Variants in KLHL13 observed in about 807,000 individuals in gnomAD.
KLHL13 encodes kelch-like protein 13.
A neutral mutation model predicts 37.1 loss-of-function variants in KLHL13; 10 were observed. The observed-to-expected ratio is 0.27, with a 90% CI of 0.17 to 0.46. The LOEUF (loss-of-function observed/expected upper bound fraction) is 0.46, where lower values mean the gene tolerates loss of function less well. KLHL13 is among the 20% of genes least tolerant of loss of function. The probability of loss-of-function intolerance (pLI) is 1.00; values close to 1 mark genes in which losing one functional copy is unlikely to be tolerated. For missense variants in KLHL13, 360 were observed against 509.3 expected (o/e 0.71, Z 2.82); for synonymous variants, 163 against 181.2 (o/e 0.90, Z 0.81).
At chrX:118,113,440 C>T (rs897042038) in intron 1 of KLHL13, among the ~76,000 whole-genome samples, 4 of 112,344 alleles carry the variant, frequency 3.6e-5, no homozygotes, top group South Asian at 7.4e-4. Context: ...TCCTATTTAT[C>T]GGTTATTGAG....
chrX:118,000,443 A>G (rs1403144988), intron 1 of KLHL13, among the ~76,000 whole-genome samples: 1 of 109,735 alleles, frequency 9.1e-6, no homozygotes, highest in African/African-American at 3.5e-5. Flanking sequence ...AACAAAATAG[A>G]GAGGAAAATT....
chrX:118,097,453 T>C (rs1054301463), intron 1 of KLHL13, among the ~76,000 whole-genome samples: 19 of 111,407 alleles, frequency 1.7e-4, no homozygotes, highest in Non-Finnish European at 2.8e-4. Context: ...TGAAAGAACA[T>C]TCCATGCTCA....
At chrX:117,908,561 T>C (rs1930739109) in intron 5 of KLHL13, among the ~76,000 whole-genome samples, 1 of 111,277 alleles carries the variant, frequency 9.0e-6, no homozygotes, top group Non-Finnish European at 1.9e-5. Flanking sequence ...TTTGGAAAAA[T>C]TATACTATCC....
intron 1 of KLHL13, among the ~76,000 whole-genome samples, chrX:118,050,255 G>A (rs778950644): frequency 1.3e-4 from 14 of 111,807 alleles, no homozygotes; most frequent in Non-Finnish European, 1.9e-4. Flanking sequence ...CTTTAGGAAT[G>A]CCTTTGAGGT....
At chrX:117,955,898 G>A (rs764237135) in intron 1 of KLHL13, among the ~76,000 whole-genome samples, 27 of 111,375 alleles carry the variant, frequency 2.4e-4, no homozygotes, top group African/African-American at 8.8e-4. Flanking sequence ...AGTCTTCACT[G>A]TTACTTACAG....
In KLHL13 at chrX:117,983,049, T is replaced by C. The variant is rs12857812; in HGVS notation, c.-55-37474A>G. ...AAAACAAATTATCTTGATTGTGTAA[T>C]ACAGATTAAAAAGTTAAAAACTTGT... is the stretch of plus-strand genomic sequence containing the variant. On this transcript the variant is annotated intron_variant, in intron 1 of 6. Coordinates refer to the KLHL13 transcript ENST00000371882. Among the ~76,000 whole-genome samples the C allele has an allele frequency of 7.0e-3, 777 of 111,508 alleles. 11 individuals carry two copies. Among genetic ancestry groups the C allele is most frequent in the African/African-American group, 0.024 (734 of 30,595 alleles).
chrX:118,093,283 ATAAC>A (rs767352663), intron 1 of KLHL13, among the ~76,000 whole-genome samples: 9 of 112,197 alleles, frequency 8.0e-5, no homozygotes, highest in African/African-American at 2.9e-4. Flanking sequence ...ATATAAAATA[ATAAC>A]TAACATTTAT....
chrX:117,953,495 T>C (rs1933746038), intron 1 of KLHL13, among the ~76,000 whole-genome samples: 2 of 110,868 alleles, frequency 1.8e-5, no homozygotes, highest in South Asian at 3.9e-4. Flanking sequence ...ATGGCACATG[T>C]ATACATATGT....
intron 2 of KLHL13, among the ~76,000 whole-genome samples, chrX:117,931,882 A>C (rs1372540825): frequency 9.0e-6 from 1 of 111,263 alleles, no homozygotes; most frequent in Non-Finnish European, 1.9e-5. Flanking sequence ...TTCAAGTATC[A>C]ATGAGGAAAG....
At position 118,077,882 on chromosome X, in the gene KLHL13, A is replaced by T. The variant is rs1025352762; in HGVS notation, c.-56+38626T>A. 5.4e-5 allele frequency among the ~76,000 whole-genome samples: 6 copies of T among 111,854 alleles called. No homozygotes were observed. The Admixed American group carries it at 5.7e-4, about 11-fold the overall frequency. Reference sequence around the variant, plus strand: ...GTGAGGCATTGTTTTGCAATAATTCAAAATGAGATGGCATATATAAAAGTA... The same window carrying T: ...GTGAGGCATTGTTTTGCAATAATTCTAAATGAGATGGCATATATAAAAGTA... On this transcript the variant is annotated intron_variant, in intron 1 of 6. Coordinates refer to the KLHL13 transcript ENST00000371882.
chrX:118,106,611 C>G (rs1602729982), intron 1 of KLHL13, among the ~76,000 whole-genome samples: 1 of 111,500 alleles, frequency 9.0e-6, no homozygotes, highest in East Asian at 2.8e-4. Context: ...GTCATAAAAA[C>G]CTGTGAATAT....
At chrX:117,965,234 T>G (rs1156481001) in intron 1 of KLHL13, among the ~76,000 whole-genome samples, 1 of 111,744 alleles carries the variant, frequency 8.9e-6, no homozygotes, top group Non-Finnish European at 1.9e-5. Flanking sequence ...TTTCTCCACA[T>G]GCTCTCCAGC....
At chrX:118,053,740 A>G (rs1334029696) in intron 1 of KLHL13, among the ~76,000 whole-genome samples, 2 of 104,994 alleles carry the variant, frequency 1.9e-5, no homozygotes, top group African/African-American at 6.9e-5. Context: ...AAGAATAAGC[A>G]TAAGAAAAGA....
intron 1 of KLHL13, among the ~76,000 whole-genome samples, chrX:117,952,087 C>T (rs971027725): frequency 1.6e-4 from 18 of 111,420 alleles, no homozygotes; most frequent in African/African-American, 5.9e-4. Flanking sequence ...AAAGAGCCCG[C>T]ATCGCCAAGT....
At chrX:118,006,677 T>C (rs1418138499) in intron 1 of KLHL13, among the ~76,000 whole-genome samples, 1 of 111,553 alleles carries the variant, frequency 9.0e-6, no homozygotes, top group Admixed American at 9.6e-5. Flanking sequence ...TCAAGCATAT[T>C]ATCTCATTAA....
chrX:117,935,260 T>G (rs960368573), intron 2 of KLHL13, among the ~76,000 whole-genome samples: 1 of 112,354 alleles, frequency 8.9e-6, no homozygotes, highest in African/African-American at 3.2e-5. Context: ...ATCTACACAA[T>G]GGAATATTAT....
At chrX:117,974,210 G>A (rs976955750), upstream of KLHL13, among the ~76,000 whole-genome samples, 5 of 111,623 alleles carry the variant, frequency 4.5e-5, no homozygotes, top group African/African-American at 1.6e-4. Flanking sequence ...TTATTTACAG[G>A]CTGAAGAATT....
chrX:118,094,762 A>C (rs1407859866), intron 1 of KLHL13, among the ~76,000 whole-genome samples: 1 of 111,724 alleles, frequency 9.0e-6, no homozygotes, highest in African/African-American at 3.3e-5. Context: ...AAGAATTTTC[A>C]ACCCAGAATT....
At chrX:118,057,882 A>G (rs1282339391) in intron 1 of KLHL13, among the ~76,000 whole-genome samples, 1 of 111,101 alleles carries the variant, frequency 9.0e-6, no homozygotes, top group Non-Finnish European at 1.9e-5. Context: ...CAAATCATAT[A>G]CCTGACAATA....
Sources: allele counts gnomAD v4.1 joint callset (sites outside exome capture counted in the v4.1 genomes callset), GRCh38; gene constraint gnomAD v4.1.1; transcripts MANE v1.5; gene names NCBI Gene and HGNC (gene_info 2026-07-23, HGNC 2026-07-21).